TMEM132B: variants seen among roughly 807,000 people sequenced by gnomAD.
TMEM132B encodes transmembrane protein 132B.
TMEM132B carries 18 observed loss-of-function variants against 90.8 expected under a neutral mutation model. The observed-to-expected ratio is 0.20, with a 90% CI of 0.14 to 0.29. The LOEUF is 0.29. Among genes scored for constraint, TMEM132B ranks in the 10% least tolerant of loss-of-function variants. The pLI is 1.00. For synonymous variants in TMEM132B, 504 were observed against 523.3 expected, an observed-to-expected ratio of 0.96 and a Z score of 0.50; for missense variants, 1,096 against 1,326.8, an observed-to-expected ratio of 0.83 and a Z score of 2.70.
chr12:125,625,975 C>CT (rs1242471091), intron 5 of TMEM132B, among the ~76,000 whole-genome samples: 1 of 152,040 alleles, frequency 6.6e-6, no homozygotes, highest in Non-Finnish European at 1.5e-5. Flanking sequence ...GTTTTTAAGT[C>CT]TTTTGCCAGT....
At chr12:125,600,019 T>A (rs932742313) in intron 5 of TMEM132B, among the ~76,000 whole-genome samples, 1 of 152,144 alleles carries the variant, frequency 6.6e-6, no homozygotes, top group Non-Finnish European at 1.5e-5. Context: ...GGGGGCTAGA[T>A]TGTGATGGTT....
At chr12:125,293,274 A>G (rs1241457018) in intron 1 of TMEM132B, among the ~76,000 whole-genome samples, 1 of 152,216 alleles carries the variant, frequency 6.6e-6, no homozygotes, top group Non-Finnish European at 1.5e-5. Context: ...AGTAAAGCGT[A>G]TTGCAGCAGT....
chr12:125,272,445 G>A (rs535995725), intron 1 of TMEM132B, among the ~76,000 whole-genome samples: 4 of 152,244 alleles, frequency 2.6e-5, no homozygotes, highest in African/African-American at 7.2e-5. Flanking sequence ...TCGGTCCAGC[G>A]ATTGGCAAGA....
chr12:125,533,110 C>G (rs1883688893), intron 4 of TMEM132B, among the ~76,000 whole-genome samples: 1 of 152,130 alleles, frequency 6.6e-6, no homozygotes, highest in Non-Finnish European at 1.5e-5. Flanking sequence ...TCAATTCCAG[C>G]CTGGCTTAAA....
Position 125,209,303 on chromosome 12 carries a change from A to G in TMEM132B, c.67+22437A>G, listed in dbSNP as rs1423224904. ...TGAGGCTCACATCTCTAAGTGGGGC[A>G]GAGGCTCGCGGATGGACCGCCCCAG... On this transcript the variant is annotated intron_variant, in intron 1 of 8. Transcript: ENST00000682704. This position sits in a 1 kb window ranked among gnomAD's most constrained non-coding sequence, Gnocchi z 4.4. Among the ~76,000 whole-genome samples, 1 of 152,214 alleles carries G rather than the reference A, an allele frequency of 6.6e-6. No individual in the cohort carries two copies. Among genetic ancestry groups the G allele is most frequent in the African/African-American group, 2.4e-5 (1 of 41,462 alleles).
intron 1 of TMEM132B, among the ~76,000 whole-genome samples, chr12:125,243,032 T>TATATATATATATATATATAC (rs1215676534): frequency 5.3e-4 from 71 of 135,020 alleles, no homozygotes; most frequent in Admixed American, 9.7e-4. Context: ...TATATATATA[T>TATATATATATATATATATAC]ACACACACAC....
chr12:125,347,225 T>A (rs374874146), intron 1 of TMEM132B, among the ~76,000 whole-genome samples: 2 of 152,216 alleles, frequency 1.3e-5, no homozygotes, highest in African/African-American at 4.8e-5. Context: ...ATGACTGCAT[T>A]GTCCCTGTAA....
In TMEM132B at chr12:125,407,506, C is replaced by G. The variant is rs1264462685; in HGVS notation, c.960-8025C>G. Among the ~76,000 whole-genome samples, 1 of 152,176 alleles carries G rather than the reference C, an allele frequency of 6.6e-6. No homozygotes were observed. Among genetic ancestry groups the G allele is most frequent in the African/African-American group, 2.4e-5 (1 of 41,454 alleles). On this transcript the variant is annotated intron_variant, in intron 2 of 8. Coordinates refer to ENST00000682704, the MANE Select transcript of TMEM132B (RefSeq NM_001366854.1). The surrounding 1 kb of genome is among the most constrained non-coding windows in gnomAD (Gnocchi z 6.7). ...GGGGAGTGAGATGGAGAAGGTGTGA[C>G]CCCGTGCCCTGTCTGTCTGTCCCTG...
intron 5 of TMEM132B, among the ~76,000 whole-genome samples, chr12:125,606,684 C>T (rs748066972): frequency 2.0e-5 from 3 of 152,336 alleles, no homozygotes; most frequent in Middle Eastern, 6.8e-3. Context: ...TTATCCCTCC[C>T]CTGCTACCCA....
intron 2 of TMEM132B, among the ~76,000 whole-genome samples, chr12:125,388,406 G>A (rs904284985): frequency 1.3e-5 from 2 of 152,138 alleles, no homozygotes; most frequent in Non-Finnish European, 2.9e-5. Context: ...TCCAGCCTGG[G>A]CAACAAGAGT....
Position 125,513,465 on chromosome 12 carries a change from G to A in TMEM132B, c.1107-5974G>A, listed in dbSNP as rs899938067. Reference sequence around the variant, plus strand: ...GGAAAAGCTAGAGCCGGATAAGGGGGTTGGAATTGTGGAGATGAGAACAGA... The same window carrying A: ...GGAAAAGCTAGAGCCGGATAAGGGGATTGGAATTGTGGAGATGAGAACAGA... On this transcript the variant is annotated intron_variant, in intron 3 of 8. Coordinates refer to ENST00000682704, the MANE Select transcript of TMEM132B (RefSeq NM_001366854.1). Among the ~76,000 whole-genome samples the A allele has an allele frequency of 5.3e-5, 8 of 152,326 alleles. 1 individual carries two copies. The highest frequency in any genetic ancestry group is 1.7e-4 in the African/African-American group (7 of 41,580).
At chr12:125,645,111 G>A (rs540555586) in intron 6 of TMEM132B, among the ~76,000 whole-genome samples, 8 of 151,662 alleles carry the variant, frequency 5.3e-5, no homozygotes, top group African/African-American at 9.7e-5. Flanking sequence ...CCAGCTACTC[G>A]GGAAGCTGAG....
chr12:125,506,740 CT>C (rs748400539), intron 3 of TMEM132B, among the ~76,000 whole-genome samples: 2 of 152,188 alleles, frequency 1.3e-5, no homozygotes, highest in African/African-American at 2.4e-5. Flanking sequence ...GAACATATAG[CT>C]TCAATACCCT....
At chr12:125,449,108 AGGCG>A (rs1881083668) in intron 3 of TMEM132B, among the ~76,000 whole-genome samples, 1 of 151,632 alleles carries the variant, frequency 6.6e-6, no homozygotes. Context: ...CTGGGACTAC[AGGCG>A]CCCACCATCA....
intron 4 of TMEM132B, among the ~76,000 whole-genome samples, chr12:125,521,579 C>G (rs985612893): frequency 1.3e-5 from 2 of 152,146 alleles, no homozygotes; most frequent in Non-Finnish European, 2.9e-5. Flanking sequence ...GCTGGGCACC[C>G]TAGTAAGAGT....
chr12:125,589,216 C>T (rs1885248934), intron 5 of TMEM132B, among the ~76,000 whole-genome samples: 1 of 152,190 alleles, frequency 6.6e-6, no homozygotes, highest in South Asian at 2.1e-4. Flanking sequence ...GGCACGGTGG[C>T]TCACGCCTGT....
intron 1 of TMEM132B, chr12:125,326,641 C>G: frequency 6.2e-7 from 1 of 1,607,930 alleles, no homozygotes. Context: ...GTGCAGCATC[C>G]AGAATGGACA....
intron 4 of TMEM132B, among the ~76,000 whole-genome samples, chr12:125,527,176 TTCCATCCA>T (rs1442134166): frequency 7.6e-5 from 5 of 66,176 alleles, no homozygotes; most frequent in Non-Finnish European, 6.0e-5. Context: ...CCATCCACCC[TTCCATCCA>T]TCCATCCACC....
chr12:125,619,101 T>C (rs766390004), intron 5 of TMEM132B, among the ~76,000 whole-genome samples: 9 of 152,118 alleles, frequency 5.9e-5, no homozygotes, highest in Non-Finnish European at 1.2e-4. Context: ...CAAATGGCTA[T>C]GTTTATGTTG....
Sources: gnomAD v4.1 joint callset for allele counts (sites outside exome capture counted in the v4.1 genomes callset) on GRCh38, gnomAD v4.1.1 for gene constraint, Gnocchi (gnomAD v3.1) non-coding constraint, MANE v1.5 for transcripts, NCBI Gene and HGNC (gene_info 2026-07-23, HGNC 2026-07-21) for gene names.